Variants in ERI3 observed in about 807,000 individuals in gnomAD.
ERI3 encodes the protein ERI1 exoribonuclease 3.
A neutral mutation model predicts 44.4 loss-of-function variants in ERI3; 18 were observed. That is an observed-to-expected ratio of 0.41 (90% CI 0.28 to 0.60). The LOEUF is 0.60. Among genes scored for constraint, ERI3 ranks in the 20% least tolerant of loss-of-function variants. The pLI is 0.36. For missense variants in ERI3, 294 were observed against 435.5 expected (o/e 0.68, Z 2.89); for synonymous variants, 183 against 164.8 (o/e 1.11, Z -0.84).
chr1:44,308,934 G>A (rs902356585), intron 5 of ERI3, among the ~76,000 whole-genome samples: 1 of 152,152 alleles, frequency 6.6e-6, no homozygotes, highest in Non-Finnish European at 1.5e-5. Flanking sequence ...TACTGGACTG[G>A]AGCCCCATCC....
At chr1:44,234,542 C>T (rs1404846572) in intron 8 of ERI3, among the ~76,000 whole-genome samples, 1 of 151,852 alleles carries the variant, frequency 6.6e-6, no homozygotes, top group African/African-American at 2.4e-5. Context: ...ACCTGTAATC[C>T]CAGCTACTCG....
intron 6 of ERI3, among the ~76,000 whole-genome samples, chr1:44,306,971 G>A (rs750451582): frequency 2.6e-5 from 4 of 152,210 alleles, no homozygotes; most frequent in East Asian, 1.9e-4. Context: ...TGCCCAGGAC[G>A]CTATTAACAA....
At position 44,221,846 on chromosome 1, in the gene ERI3, C is replaced by T. The variant is rs1290782251; in HGVS notation, c.932-206G>A. 1.3e-5 allele frequency among the ~76,000 whole-genome samples: 2 copies of T among 152,166 alleles called. No individual in the cohort carries two copies. The highest frequency in any genetic ancestry group is 1.3e-4 in the Admixed American group (2 of 15,278). On this transcript the variant is annotated intron_variant, in intron 8 of 8. Coordinates refer to ENST00000372257, the MANE Select transcript of ERI3 (RefSeq NM_024066.3). The surrounding 1 kb of genome is among the most constrained non-coding windows in gnomAD (Gnocchi z 5.9). ...GCCGGCAGGAAGCCTGGTCTCGATG[C>T]TTCTCAGTTCCATAATTCATGCTGG...
chr1:44,310,672 C>T (rs1645935735), intron 5 of ERI3, among the ~76,000 whole-genome samples: 1 of 152,024 alleles, frequency 6.6e-6, no homozygotes, highest in South Asian at 2.1e-4. Context: ...TCCCTGGATA[C>T]CTCTGAGATG....
chr1:44,320,157 C>T (rs895947399), intron 3 of ERI3, among the ~76,000 whole-genome samples: 1 of 152,098 alleles, frequency 6.6e-6, no homozygotes, highest in African/African-American at 2.4e-5. Flanking sequence ...GCCATCAGAC[C>T]AATGCATAGA....
chr1:44,342,377 GT>G (rs1374945677), intron 2 of ERI3, among the ~76,000 whole-genome samples: 2 of 152,128 alleles, frequency 1.3e-5, no homozygotes, highest in African/African-American at 4.8e-5. Flanking sequence ...GATCAAAGAA[GT>G]GCATATATTA....
chr1:44,293,874 G>A (rs1645558258), intron 6 of ERI3, among the ~76,000 whole-genome samples: 2 of 152,110 alleles, frequency 1.3e-5, no homozygotes, highest in African/African-American at 4.8e-5. Flanking sequence ...CGCACCTCTG[G>A]CCTGGCACGG....
At chr1:44,255,351 T>C (rs537071365) in intron 7 of ERI3, among the ~76,000 whole-genome samples, 33 of 152,224 alleles carry the variant, frequency 2.2e-4, no homozygotes, top group Non-Finnish European at 2.9e-5. Flanking sequence ...GCTCCATCTC[T>C]GAAACCCTTC....
chr1:44,261,980 G>A (rs1022281542), intron 7 of ERI3, among the ~76,000 whole-genome samples: 3 of 152,164 alleles, frequency 2.0e-5, no homozygotes, highest in Non-Finnish European at 4.4e-5. Context: ...CAGAGTAGAG[G>A]GAGGATCTGC....
At chr1:44,287,953 C>A (rs1204249683) in intron 6 of ERI3, among the ~76,000 whole-genome samples, 1 of 152,206 alleles carries the variant, frequency 6.6e-6, no homozygotes, top group Non-Finnish European at 1.5e-5. Context: ...CTCTCTGATT[C>A]TTTTAGTTGA....
chr1:44,296,051 G>C (rs192552339), intron 6 of ERI3, among the ~76,000 whole-genome samples: 2 of 152,208 alleles, frequency 1.3e-5, no homozygotes, highest in African/African-American at 2.4e-5. Context: ...GACTGTGCTC[G>C]TCCTAGCTAA....
At chr1:44,297,619 G>A (rs1227389418) in intron 6 of ERI3, among the ~76,000 whole-genome samples, 1 of 152,178 alleles carries the variant, frequency 6.6e-6, no homozygotes, top group African/African-American at 2.4e-5. Context: ...CATCTGTGAA[G>A]AGACACTTAT....
chr1:44,321,030 A>C (rs1013949343), intron 3 of ERI3, among the ~76,000 whole-genome samples: 1 of 152,160 alleles, frequency 6.6e-6, no homozygotes, highest in Non-Finnish European at 1.5e-5. Context: ...CAGCCTGGAG[A>C]AGCAACACGA....
intron 7 of ERI3, among the ~76,000 whole-genome samples, chr1:44,276,888 AGG>A (rs148233575): frequency 0.012 from 1,844 of 152,298 alleles, 70 homozygotes; most frequent in East Asian, 0.069. Flanking sequence ...GCCCACAACC[AGG>A]CAGCTGAGGT....
In ERI3 at chr1:44,252,870, C is replaced by T. The variant is rs1381345259; in HGVS notation, c.832-4832G>A. Among the ~76,000 whole-genome samples the T allele has an allele frequency of 6.6e-6, 1 of 152,192 alleles. No individual in the cohort carries two copies. Among genetic ancestry groups the T allele is most frequent in the East Asian group, 1.9e-4 (1 of 5,194 alleles). On this transcript the variant is annotated intron_variant, in intron 7 of 8. Transcript: ENST00000372257. The surrounding 1 kb of genome is among the most constrained non-coding windows in gnomAD (Gnocchi z 4.7). ...CTCAGGCTGCAGACAGAATAGGCTG[C>T]TCTGCAACTTTCAGAAAAACCAGAG...
At chr1:44,353,833 A>G (rs1334247285) in intron 1 of ERI3, 5 of 985,398 alleles carry the variant, frequency 5.1e-6, no homozygotes, top group East Asian at 1.1e-4. Context: ...GAAGCACCAC[A>G]GAATCTATAA....
At chr1:44,304,471 G>A (rs1645792918) in intron 6 of ERI3, among the ~76,000 whole-genome samples, 1 of 152,178 alleles carries the variant, frequency 6.6e-6, no homozygotes. Context: ...TACAGATAAA[G>A]ATGATTTCAA....
chr1:44,327,258 A>G (rs1156357256), intron 3 of ERI3, among the ~76,000 whole-genome samples: 1 of 152,192 alleles, frequency 6.6e-6, no homozygotes, highest in African/African-American at 2.4e-5. Flanking sequence ...GCCCAAAAAA[A>G]TCTCTCTGGA....
chr1:44,229,238 C>T (rs746015034), intron 8 of ERI3, among the ~76,000 whole-genome samples: 1 of 152,188 alleles, frequency 6.6e-6, no homozygotes, highest in African/African-American at 2.4e-5. Flanking sequence ...GGGAGAGTGG[C>T]TGGTGGCTCC....
Sources: allele counts gnomAD v4.1 joint callset (sites outside exome capture counted in the v4.1 genomes callset), GRCh38; gene constraint gnomAD v4.1.1; non-coding constraint Gnocchi (gnomAD v3.1); transcripts MANE v1.5; gene names NCBI Gene and HGNC (gene_info 2026-07-23, HGNC 2026-07-21).